The following ANGPTL6 variants were observed in gnomAD, a reference collection of about 807,000 sequenced individuals.
ANGPTL6 encodes the protein angiopoietin like 6, also known as angiopoietin-related protein 6.
A neutral mutation model predicts 47.4 loss-of-function variants in ANGPTL6; 45 were observed. The observed-to-expected ratio is 0.95, with a 90% CI of 0.75 to 1.22. The LOEUF is 1.22. Among genes scored for constraint, ANGPTL6 ranks in the 50% most tolerant of loss-of-function variants. The probability of loss-of-function intolerance (pLI) is 0.00; values close to 1 mark genes in which losing one functional copy is unlikely to be tolerated. For synonymous variants in ANGPTL6, 290 were observed against 295.9 expected (o/e 0.98, Z 0.20); for missense variants, 698 against 669.4 (o/e 1.04, Z -0.47).
chr19:10,093,426 C>A lies in ANGPTL6; in HGVS notation c.1145G>T (p.Gly382Val). ...HYRLRLGQYH[G>V]DAGDSLSWHN... ...CCAGGAAAGAGAGTCTCCAGCATCA[C>A]CATGGTACTGGCCAAGCCGCAGGCG... is the stretch of plus-strand genomic sequence containing the variant. Residue 382 changes from glycine (G) to valine (V), a missense_variant, in exon 5 of 6, where the codon GGT becomes GTT. Physicochemically the swap from Gly to Val is moderately radical, Grantham distance 109. Coordinates refer to ENST00000253109, the MANE Select transcript of ANGPTL6 (RefSeq NM_031917.3). 1.2e-6 allele frequency: 2 copies of A among 1,614,212 alleles called. No individual in the cohort carries two copies. The highest frequency in any genetic ancestry group is 1.7e-6 in the Non-Finnish European group (2 of 1,180,042).
chr19:10,100,394 C>T (rs1261923770), intron 1 of ANGPTL6, among the ~76,000 whole-genome samples: 1 of 152,100 alleles, frequency 6.6e-6, no homozygotes, highest in East Asian at 1.9e-4. Context: ...CAGGTGCGCA[C>T]CACCATGCCC....
At chr19:10,103,624 T>TTA (rs1555757144), upstream of ANGPTL6, among the ~76,000 whole-genome samples, 2 of 126,082 alleles carry the variant, frequency 1.6e-5, no homozygotes, top group African/African-American at 2.9e-5. Flanking sequence ...AATAAATAAA[T>TTA]AATAAATAAA....
intron 5 of ANGPTL6, 27 bp downstream of exon 5, chr19:10,093,322 T>C (rs2088441259): frequency 6.2e-7 from 1 of 1,600,172 alleles, no homozygotes; most frequent in South Asian, 1.1e-5. Context: ...TCCCCTATCC[T>C]CTCACCAGAA....
In ANGPTL6 at chr19:10,093,892, G is replaced by C. The variant is rs765180187; in HGVS notation, c.764-12C>G. On this transcript the variant is annotated splice_polypyrimidine_tract_variant and intron_variant, in intron 3 of 5. Coordinates refer to ENST00000253109, the MANE Select transcript of ANGPTL6 (RefSeq NM_031917.3). Reference sequence around the variant, plus strand: ...ATCCTGCCACGGGCCTGTGGGCACAGGGATAGGGGGGAGGCACAGCCTGGG... The same window carrying C: ...ATCCTGCCACGGGCCTGTGGGCACACGGATAGGGGGGAGGCACAGCCTGGG... 11 of 1,604,916 alleles carry C rather than the reference G, an allele frequency of 6.9e-6. No homozygotes were observed. The highest frequency in any genetic ancestry group is 6.7e-5 in the Admixed American group (4 of 59,998).
chr19:10,096,733 TCC>T, intron 1 of ANGPTL6, 160 bp from the exon 2 acceptor site: 1 of 531,104 alleles, frequency 1.9e-6, no homozygotes, highest in Non-Finnish European at 3.2e-6. Context: ...CCCAGGGTGA[TCC>T]CACTCTGGCT....
At chr19:10,099,373 G>A (rs1409434434) in intron 1 of ANGPTL6, among the ~76,000 whole-genome samples, 3 of 151,926 alleles carry the variant, frequency 2.0e-5, no homozygotes, top group Non-Finnish European at 4.4e-5. Context: ...TCAGGAGATC[G>A]AGACCATCCT....
At chr19:10,100,465 G>A (rs1439877243) in intron 1 of ANGPTL6, among the ~76,000 whole-genome samples, 2 of 152,130 alleles carry the variant, frequency 1.3e-5, no homozygotes, top group African/African-American at 2.4e-5. Context: ...CAAACTCCCA[G>A]GCTCAAGTGA....
At chr19:10,097,898 G>A (rs1473425911) in intron 1 of ANGPTL6, among the ~76,000 whole-genome samples, 1 of 151,188 alleles carries the variant, frequency 6.6e-6, no homozygotes, top group Non-Finnish European at 1.5e-5. Context: ...AATAACAGTA[G>A]GACTGGTGAG....
In ANGPTL6 at chr19:10,093,540, T is replaced by C. The variant is rs777234446; in HGVS notation, c.1031A>G (p.Glu344Gly). Residue 344 changes from glutamate to glycine, a missense_variant, in exon 5 of 6, where the codon GAG becomes GGG. Coordinates refer to ENST00000253109, the MANE Select transcript of ANGPTL6 (RefSeq NM_031917.3). ...CCAGTCCTCCAGGAGAACCAGCAGC[T>C]CATGGTCCCCACGGCTGGTCAGCTG... The part of the protein sequence containing the change: ...VYQLTSRGDH[E>G]LLVLLEDWGG... 4.3e-6 allele frequency: 7 copies of C among 1,614,100 alleles called. No homozygotes were observed. Among genetic ancestry groups the C allele is most frequent in the Non-Finnish European group, 5.9e-6 (7 of 1,180,004 alleles).
Position 10,092,456 on chromosome 19 carries a change from C to G in ANGPTL6, c.*133G>C. On this transcript the variant is annotated 3_prime_UTR_variant, in exon 6 of 6. Coordinates refer to ENST00000253109, the MANE Select transcript of ANGPTL6 (RefSeq NM_031917.3). ...ATTCCTGGGTCCCATTTTCAGCGCC[C>G]AGGGTCACAGATCCACAGTGGGAAG... is the stretch of plus-strand genomic sequence containing the variant. 6.6e-7 allele frequency: 1 copy of G among 1,521,254 alleles called. No homozygotes were observed. The highest frequency in any genetic ancestry group is 8.9e-7 in the Non-Finnish European group (1 of 1,129,464). The allele number at this position is 1,521,254 out of a possible 1,614,324, so 94.2% of individuals were successfully genotyped here.
Position 10,096,584 on chromosome 19 carries a change from A to G in ANGPTL6, c.-10-11T>C. The G allele has an allele frequency of 6.8e-7, 1 of 1,479,550 alleles. No homozygotes were observed. Among genetic ancestry groups the G allele is most frequent in the East Asian group, 2.8e-5 (1 of 35,764 alleles). The allele number at this position is 1,479,550 out of a possible 1,614,324, so 91.7% of individuals were successfully genotyped here. A position where few individuals can be genotyped will look rare whatever the true frequency, so the allele number is the denominator to read the frequency against. ...CCCATCGCGGCGGACCTGCAGGCAG[A>G]GGAGGAACGGAAGGAAGACGGGGTG... On this transcript the variant is annotated splice_polypyrimidine_tract_variant and intron_variant, in intron 1 of 5. Coordinates refer to ENST00000253109, the MANE Select transcript of ANGPTL6 (RefSeq NM_031917.3).
intron 1 of ANGPTL6, among the ~76,000 whole-genome samples, chr19:10,098,852 G>T (rs2088608712): frequency 6.6e-6 from 1 of 151,936 alleles, no homozygotes; most frequent in African/African-American, 2.4e-5. Context: ...AAGGGAGCAG[G>T]GTGCAAGGAG....
At chr19:10,093,256 G>A (rs1568467552) in intron 5 of ANGPTL6, 93 bp downstream of exon 5, 1 of 1,461,374 alleles carries the variant, frequency 6.8e-7, no homozygotes, top group Non-Finnish European at 9.3e-7. Flanking sequence ...CTTACCAGAG[G>A]GGCGTCTTAC....
Position 10,096,409 on chromosome 19 carries a change from G to T in ANGPTL6, c.155C>A (p.Ala52Glu), listed in dbSNP as rs1460616879. Residue 52 changes from alanine to glutamate, a missense_variant, in exon 2 of 6, where the codon GCG (alanine) becomes GAG (glutamate). Ala to Glu is a moderately radical substitution (Grantham distance 107). Transcript: ENST00000253109. ...GCTGGCGTTGGCGGCCTCGGGCGTC[G>T]CCCGCGTGGATGCGGGGCCGCTCCA... ...VCWSGPASTRATPEAANASEL... is the reference protein window; with the variant it reads ...VCWSGPASTRETPEAANASEL... 19 of 1,319,186 alleles carry T rather than the reference G, an allele frequency of 1.4e-5. No homozygotes were observed. Among genetic ancestry groups the T allele is most frequent in the Non-Finnish European group, 1.8e-5 (19 of 1,038,892 alleles). The allele number at this position is 1,319,186 out of a possible 1,614,324, so 81.7% of individuals were successfully genotyped here. A position where few individuals can be genotyped will look rare whatever the true frequency, so the allele number is the denominator to read the frequency against.
chr19:10,099,008 C>T (rs1331994455), intron 1 of ANGPTL6, among the ~76,000 whole-genome samples: 3 of 152,140 alleles, frequency 2.0e-5, no homozygotes, highest in African/African-American at 4.8e-5. Context: ...CCCGTCTGCT[C>T]TTCTGCTTAG....
At chr19:10,103,965 T>C (rs557505959), upstream of ANGPTL6, among the ~76,000 whole-genome samples, 11 of 150,122 alleles carry the variant, frequency 7.3e-5, no homozygotes, top group African/African-American at 1.7e-4. Flanking sequence ...TGGTGGCCCA[T>C]GCCTGTAATC....
chr19:10,093,890 C>T lies in ANGPTL6; in HGVS notation c.764-10G>A. The T allele has an allele frequency of 6.2e-7, 1 of 1,605,922 alleles. No homozygotes were observed. Among genetic ancestry groups the T allele is most frequent in the African/African-American group, 1.3e-5 (1 of 75,070 alleles). ...CAATCCTGCCACGGGCCTGTGGGCA[C>T]AGGGATAGGGGGGAGGCACAGCCTG... On this transcript the variant is annotated splice_polypyrimidine_tract_variant and intron_variant, in intron 3 of 5. Transcript: ENST00000253109.
At chr19:10,095,069 C>A in intron 2 of ANGPTL6, 131 bp from the exon 3 acceptor site, 1 of 982,096 alleles carries the variant, frequency 1.0e-6, no homozygotes, top group South Asian at 1.8e-5. Flanking sequence ...GGGGGTGTCC[C>A]AGCCCTAGGA....
Position 10,096,215 on chromosome 19 carries a change from C to T in ANGPTL6, c.349G>A (p.Glu117Lys), listed in dbSNP as rs890794109. The change falls in exon 2 of 6, where the codon GAG becomes AAG. Residue 117 changes from glutamate to lysine, a missense_variant. Transcript: ENST00000253109. ...CCCGGGCCCGCCCCGGGCCCCGCCT[C>T]GTGCTGCAGCTGCGCGCGCAACTGG... ...LGQLRAQLQH[E>K]AGPGAGPGAD... 1.7e-6 allele frequency: 2 copies of T among 1,205,846 alleles called. No homozygotes were observed. Among genetic ancestry groups the T allele is most frequent in the African/African-American group, 1.6e-5 (1 of 63,064 alleles). 74.7% of individuals were successfully genotyped at this position (1,205,846 alleles called of 1,614,324 possible).
Sources: allele counts gnomAD v4.1 joint callset (sites outside exome capture counted in the v4.1 genomes callset), GRCh38; gene constraint gnomAD v4.1.1; transcripts MANE v1.5; gene names NCBI Gene and HGNC (gene_info 2026-07-23, HGNC 2026-07-21).